CHIC1: variants seen among roughly 807,000 people sequenced by gnomAD.
The protein encoded by CHIC1 is cysteine-rich hydrophobic domain-containing protein 1.
Under a neutral mutation model 18.5 loss-of-function variants are expected in CHIC1, and 7 were observed. The ratio of observed to expected loss-of-function variants is 0.38; its 90% CI spans 0.22 to 0.71. The LOEUF (loss-of-function observed/expected upper bound fraction) is 0.71. Ranked by LOEUF, CHIC1 falls within the 30% of genes least tolerant of loss-of-function variation. CHIC1 has a pLI of 0.49. For missense variants in CHIC1, 159 were observed against 176.9 expected (o/e 0.90, Z 0.57); for synonymous variants, 77 against 73.5 (o/e 1.05, Z -0.25).
chrX:73,584,584 T>G lies in CHIC1; in HGVS notation c.507+12T>G, dbSNP rs1332545833. The G allele has an allele frequency of 9.1e-7, 1 of 1,104,255 alleles. No homozygotes were observed. Among genetic ancestry groups the G allele is most frequent in the African/African-American group, 1.8e-5 (1 of 55,048 alleles). 91.0% of individuals were successfully genotyped at this position (1,104,255 alleles called of 1,213,427 possible). A position where few individuals can be genotyped will look rare whatever the true frequency, so the allele number is the denominator to read the frequency against. ...GTCTCAACAAAAGAGTGAGTAACTGTTTTATTGTATAATAATAATAATAAC... is the reference window on the plus strand; with the variant it reads ...GTCTCAACAAAAGAGTGAGTAACTGGTTTATTGTATAATAATAATAATAAC... On this transcript the variant is annotated intron_variant, in intron 3 of 5. Coordinates refer to ENST00000373502, the MANE Select transcript of CHIC1 (RefSeq NM_001039840.4).
chrX:73,598,934 T>G (rs1247824043), intron 3 of CHIC1, among the ~76,000 whole-genome samples: 1 of 107,689 alleles, frequency 9.3e-6, no homozygotes, highest in African/African-American at 3.4e-5. Flanking sequence ...TTGAACTAGT[T>G]TACAGTCCCA....
chrX:73,585,871 A>G (rs753589857), intron 3 of CHIC1, among the ~76,000 whole-genome samples: 8 of 111,117 alleles, frequency 7.2e-5, no homozygotes, highest in Admixed American at 9.6e-5. Context: ...AGAATATTCA[A>G]TGGAAACTAA....
chrX:73,568,590 T>C (rs1423893781), intron 1 of CHIC1, among the ~76,000 whole-genome samples: 1 of 111,356 alleles, frequency 9.0e-6, no homozygotes, highest in Non-Finnish European at 1.9e-5. Context: ...ATCTAATGTA[T>C]TGAAATACAG....
intron 3 of CHIC1, among the ~76,000 whole-genome samples, chrX:73,604,719 G>A (rs2057670610): frequency 1.8e-5 from 2 of 108,605 alleles, no homozygotes; most frequent in Middle Eastern, 4.2e-3. Flanking sequence ...TGTTGTCATT[G>A]GTTTCAAAGA....
chrX:73,680,786 A>G (rs1409920798), intron 5 of CHIC1, among the ~76,000 whole-genome samples, 169 bp from the exon 6 acceptor site: 1 of 111,021 alleles, frequency 9.0e-6, no homozygotes, highest in Non-Finnish European at 1.9e-5. Context: ...TCTAATAACA[A>G]CTTGTGGTTT....
chrX:73,655,018 C>T (rs976147485), intron 3 of CHIC1, among the ~76,000 whole-genome samples: 1 of 110,253 alleles, frequency 9.1e-6, no homozygotes, highest in African/African-American at 3.3e-5. Context: ...GTATTAAGCC[C>T]ACCATCCATT....
intron 3 of CHIC1, among the ~76,000 whole-genome samples, chrX:73,650,846 C>T (rs185188085): frequency 1.8e-5 from 2 of 111,386 alleles, no homozygotes; most frequent in Admixed American, 1.9e-4. Context: ...TTTTATGAGG[C>T]CAGCATCATC....
intron 3 of CHIC1, among the ~76,000 whole-genome samples, chrX:73,677,028 G>C (rs1214900930): frequency 9.0e-6 from 1 of 111,633 alleles, no homozygotes; most frequent in East Asian, 2.8e-4. Context: ...GTATCAGCAG[G>C]GGTGGCTGCA....
chrX:73,613,621 G>A (rs756705163), intron 3 of CHIC1, among the ~76,000 whole-genome samples: 50 of 111,886 alleles, frequency 4.5e-4, no homozygotes, highest in Non-Finnish European at 9.0e-4. Flanking sequence ...CTGGTTTCCA[G>A]TATTTTTTAT....
intron 1 of CHIC1, among the ~76,000 whole-genome samples, chrX:73,571,187 A>G (rs2057469226): frequency 9.1e-6 from 1 of 110,445 alleles, no homozygotes; most frequent in South Asian, 3.8e-4. Flanking sequence ...TTTGATATCT[A>G]GTAGGGGAAT....
At chrX:73,679,416 A>G (rs772409030) in intron 4 of CHIC1, 34 bp downstream of exon 4, 78 of 932,299 alleles carry the variant, frequency 8.4e-5, no homozygotes, top group Middle Eastern at 3.1e-4. Context: ...TGCCCCATTC[A>G]TATATTTGCA....
chrX:73,587,388 A>G (rs941445111), intron 3 of CHIC1, among the ~76,000 whole-genome samples: 3 of 111,604 alleles, frequency 2.7e-5, no homozygotes, highest in East Asian at 2.8e-4. Flanking sequence ...TTGTTCTTCT[A>G]TCTACCACTG....
chrX:73,635,879 A>G (rs1186040346), intron 3 of CHIC1, among the ~76,000 whole-genome samples: 7 of 111,264 alleles, frequency 6.3e-5, no homozygotes, highest in African/African-American at 2.3e-4. Flanking sequence ...AGTGTTGTGT[A>G]TATGTCTCTT....
chrX:73,604,585 A>C (rs1230355787), intron 3 of CHIC1, among the ~76,000 whole-genome samples: 1 of 107,390 alleles, frequency 9.3e-6, no homozygotes, highest in African/African-American at 3.6e-5. Flanking sequence ...TAGTTCTTTT[A>C]ATTGTGATTT....
chrX:73,636,057 AT>A (rs2057829977), intron 3 of CHIC1, among the ~76,000 whole-genome samples: 1 of 111,531 alleles, frequency 9.0e-6, no homozygotes, highest in African/African-American at 3.3e-5. Context: ...ATATCTTTTT[AT>A]ACTTTTTATG....
At chrX:73,625,947 T>A (rs758945486) in intron 3 of CHIC1, among the ~76,000 whole-genome samples, 60 of 110,499 alleles carry the variant, frequency 5.4e-4, no homozygotes, top group Non-Finnish European at 9.5e-4. Context: ...TTACCCAAAG[T>A]CAGTCAATTG....
At chrX:73,652,868 T>A in intron 3 of CHIC1, among the ~76,000 whole-genome samples, 1 of 111,699 alleles carries the variant, frequency 9.0e-6, no homozygotes, top group Non-Finnish European at 1.9e-5. Context: ...ACCCAGCAAT[T>A]TCATTACTGG....
At chrX:73,675,737 G>A (rs1355519446) in intron 3 of CHIC1, among the ~76,000 whole-genome samples, 12 of 111,144 alleles carry the variant, frequency 1.1e-4, no homozygotes, top group African/African-American at 3.9e-4. Context: ...TTACATTTAA[G>A]GTTAATATTG....
At chrX:73,611,105 G>A (rs1161825306) in intron 3 of CHIC1, among the ~76,000 whole-genome samples, 1 of 106,945 alleles carries the variant, frequency 9.4e-6, no homozygotes, top group East Asian at 2.9e-4. Context: ...GTGCCATGTT[G>A]GTGTGCTGCA....
Sources: allele counts gnomAD v4.1 joint callset (sites outside exome capture counted in the v4.1 genomes callset), GRCh38; gene constraint gnomAD v4.1.1; transcripts MANE v1.5; gene names NCBI Gene and HGNC (gene_info 2026-07-23, HGNC 2026-07-21).